The following RANBP9 variants were observed in gnomAD, a reference collection of about 807,000 sequenced individuals.
RANBP9 encodes the protein ran-binding protein 9.
Under a neutral mutation model 84.3 loss-of-function variants are expected in RANBP9, and 15 were observed. The observed-to-expected ratio is 0.18, with a 90% CI of 0.12 to 0.27. RANBP9 has a LOEUF of 0.27. Ranked by LOEUF, RANBP9 falls within the 10% of genes least tolerant of loss-of-function variation. RANBP9 has a pLI of 1.00. For missense variants in RANBP9, 809 were observed against 912.8 expected (o/e 0.89, Z 1.46); for synonymous variants, 392 against 349.6 (o/e 1.12, Z -1.35).
At chr6:13,682,778 A>T (rs1360933324) in intron 2 of RANBP9, among the ~76,000 whole-genome samples, 1 of 152,242 alleles carries the variant, frequency 6.6e-6, no homozygotes, top group Non-Finnish European at 1.5e-5. Flanking sequence ...AAATATGTAA[A>T]TATCACTAGA....
Position 13,632,412 on chromosome 6 carries a change from C to A in RANBP9, c.1905G>T (p.Arg635Ser). Reference sequence around the variant, plus strand: ...TTGCAGTGTTCTTGCCACAGTCTCTCCTTAGCTGTTCACTCATTGCTTGCA... The same window carrying A: ...TTGCAGTGTTCTTGCCACAGTCTCTACTTAGCTGTTCACTCATTGCTTGCA... ...RELQAMSEQL[R>S]RDCGKNTANK... The change falls in exon 12 of 14, where the codon AGG (arginine) becomes AGT (serine). Residue 635 changes from arginine (R) to serine (S), a missense_variant. Coordinates refer to ENST00000011619, the MANE Select transcript of RANBP9 (RefSeq NM_005493.3). 1.2e-6 allele frequency: 2 copies of A among 1,613,968 alleles called. No homozygotes were observed. The highest frequency in any genetic ancestry group is 8.5e-7 in the Non-Finnish European group (1 of 1,179,934).
At chr6:13,696,685 A>G in intron 2 of RANBP9, 100 bp downstream of exon 2, 1 of 952,710 alleles carries the variant, frequency 1.0e-6, no homozygotes, top group Non-Finnish European at 1.6e-6. Context: ...TTTTCCAATT[A>G]GCAAAATTTC....
chr6:13,688,556 C>T (rs1042991970), intron 2 of RANBP9, among the ~76,000 whole-genome samples: 3 of 152,250 alleles, frequency 2.0e-5, no homozygotes, highest in East Asian at 1.9e-4. Context: ...AAAGTAGGTA[C>T]CCTTTCTCAG....
intron 2 of RANBP9, among the ~76,000 whole-genome samples, chr6:13,667,863 C>T (rs190334773): frequency 2.7e-4 from 41 of 152,054 alleles, no homozygotes; most frequent in Admixed American, 2.2e-3. Flanking sequence ...CCCATTCTTA[C>T]GCAACACATT....
In RANBP9 at chr6:13,622,293, C is replaced by G; in HGVS notation, c.*69G>C. 7.3e-7 allele frequency: 1 copy of G among 1,361,112 alleles called. No homozygotes were observed. Among genetic ancestry groups the G allele is most frequent in the Non-Finnish European group, 9.6e-7 (1 of 1,043,152 alleles). 84.3% of individuals were successfully genotyped at this position (1,361,112 alleles called of 1,614,324 possible). On this transcript the variant is annotated 3_prime_UTR_variant, in exon 14 of 14. Transcript: ENST00000011619. The stretch of plus-strand genomic sequence containing the variant: ...AATTTAAAAAATCTAAATTTCAAAT[C>G]AGCAGAGCTGGTCTACTTCCATGTT...
At chr6:13,661,059 G>C (rs898687549) in intron 2 of RANBP9, among the ~76,000 whole-genome samples, 2 of 152,186 alleles carry the variant, frequency 1.3e-5, no homozygotes, top group Admixed American at 6.5e-5. Flanking sequence ...AGGAGTATTA[G>C]CTATGCTTAC....
chr6:13,688,982 CA>C lies in RANBP9; in HGVS notation c.683+7802del, dbSNP rs1164073062. Among the ~76,000 whole-genome samples the C allele has an allele frequency of 2.9e-3, 87 of 29,950 alleles. 1 individual carries two copies. Among genetic ancestry groups the C allele is most frequent in the East Asian group, 6.9e-3 (9 of 1,304 alleles). 19.6% of individuals were successfully genotyped at this position (29,950 alleles called of 152,430 possible). A position where few individuals can be genotyped will look rare whatever the true frequency, so the allele number is the denominator to read the frequency against. Reference sequence around the variant, plus strand: ...TGCAACATACCGAGACCCATCTCCACAAAAAAAAAAAAAAAAAAAAAATGCT... The same window carrying C: ...TGCAACATACCGAGACCCATCTCCACAAAAAAAAAAAAAAAAAAAAATGCT... On this transcript the variant is annotated intron_variant, in intron 2 of 13. Transcript: ENST00000011619.
Position 13,657,353 on chromosome 6 carries a change from TAAATC to T in RANBP9, c.737-82_737-78del, listed in dbSNP as rs971467082. On this transcript the variant is annotated intron_variant, in intron 3 of 13. Transcript: ENST00000011619. ...CTAGGTTTATTCACTAAGATTATGATAAATCAGAACAGTACAAGATAATATAAAGA... is the reference window on the plus strand; with the variant it reads ...CTAGGTTTATTCACTAAGATTATGATAGAACAGTACAAGATAATATAAAGA... The T allele has an allele frequency of 7.9e-6, 10 of 1,273,040 alleles. No homozygotes were observed. The African/African-American group carries it at 1.2e-4, about 15-fold the overall frequency. 78.9% of individuals were successfully genotyped at this position (1,273,040 alleles called of 1,614,324 possible). A position where few individuals can be genotyped will look rare whatever the true frequency, so the allele number is the denominator to read the frequency against.
intron 2 of RANBP9, among the ~76,000 whole-genome samples, chr6:13,675,815 C>G (rs1317046908): frequency 6.6e-6 from 1 of 150,784 alleles, no homozygotes; most frequent in African/African-American, 2.4e-5. Flanking sequence ...CAATACTGAT[C>G]CCAGACATTA....
intron 10 of RANBP9, among the ~76,000 whole-genome samples, chr6:13,635,426 T>C (rs1434796408): frequency 6.6e-6 from 1 of 151,940 alleles, no homozygotes; most frequent in East Asian, 1.9e-4. Context: ...AAGTAAACAC[T>C]CGATGAAATT....
At chr6:13,646,903 A>G (rs571168433) in intron 5 of RANBP9, among the ~76,000 whole-genome samples, 7 of 152,208 alleles carry the variant, frequency 4.6e-5, no homozygotes, top group Non-Finnish European at 1.0e-4. Context: ...ACATAAAGAG[A>G]AGCTTAATCA....
At chr6:13,666,589 C>T (rs916301535) in intron 2 of RANBP9, among the ~76,000 whole-genome samples, 2 of 92,634 alleles carry the variant, frequency 2.2e-5, no homozygotes, top group Non-Finnish European at 2.3e-5. Flanking sequence ...CAGCCTGGGA[C>T]CCCGTCTCTC....
At chr6:13,687,978 AGC>A (rs1766229418) in intron 2 of RANBP9, among the ~76,000 whole-genome samples, 1 of 152,264 alleles carries the variant, frequency 6.6e-6, no homozygotes, top group East Asian at 1.9e-4. Context: ...CAGTGGCAGC[AGC>A]CAGCAGCAAC....
chr6:13,711,145 G>A lies in RANBP9; in HGVS notation c.361C>T (p.Pro121Ser). The A allele has an allele frequency of 6.6e-7, 1 of 1,521,180 alleles. No individual in the cohort carries two copies. Among genetic ancestry groups the A allele is most frequent in the Non-Finnish European group, 8.8e-7 (1 of 1,136,094 alleles). 94.2% of individuals were successfully genotyped at this position (1,521,180 alleles called of 1,614,324 possible). Reference sequence around the variant, plus strand: ...GCGCTGCTGCCCGCCACCAGAGCTGGGGTCGGGGCTCCTCCAGCCGGGCCG... The same window carrying A: ...GCGCTGCTGCCCGCCACCAGAGCTGAGGTCGGGGCTCCTCCAGCCGGGCCG... The part of the protein sequence containing the change: ...GPGPAGGAPT[P>S]ALVAGSSAAA... The change falls in exon 1 of 14, where the codon CCA becomes TCA. Residue 121 changes from proline to serine, a missense_variant. Around this residue, in one of 5 missense-constraint regions of RANBP9, gnomAD observed 302 missense variants for 240.1 expected, o/e 1.26. Coordinates refer to ENST00000011619, the MANE Select transcript of RANBP9 (RefSeq NM_005493.3).
chr6:13,626,229 T>G (rs1273069777), intron 12 of RANBP9, among the ~76,000 whole-genome samples: 1 of 152,250 alleles, frequency 6.6e-6, no homozygotes, highest in African/African-American at 2.4e-5. Flanking sequence ...ATGAAAAAAT[T>G]AAACAGGCTG....
chr6:13,673,562 T>G (rs912374028), intron 2 of RANBP9, among the ~76,000 whole-genome samples: 3 of 152,196 alleles, frequency 2.0e-5, no homozygotes, highest in Non-Finnish European at 4.4e-5. Flanking sequence ...CTTGGGTAAC[T>G]GCTGACTATG....
At chr6:13,665,850 C>T (rs190193041) in intron 2 of RANBP9, among the ~76,000 whole-genome samples, 227 of 152,228 alleles carry the variant, frequency 1.5e-3, no homozygotes, top group Non-Finnish European at 2.4e-3. Flanking sequence ...CTCAAGGAAG[C>T]TTTACATACA....
In RANBP9 at chr6:13,639,649, G is replaced by T. The variant is rs1259275212; in HGVS notation, c.1439C>A (p.Pro480His). The change falls in exon 9 of 14, where the codon CCT becomes CAT. Residue 480 changes from proline to histidine, a missense_variant. Pro to His is a moderately conservative substitution (Grantham distance 77, BLOSUM62 -2). This residue lies in a region of RANBP9 where 216 missense variants were observed against 329.0 expected (regional missense o/e 0.66). Coordinates refer to ENST00000011619, the MANE Select transcript of RANBP9 (RefSeq NM_005493.3). ...SQDSYPVSPRPFSSPSMSPSH... is the reference protein window; with the variant it reads ...SQDSYPVSPRHFSSPSMSPSH... ...GGGGCTCATACTTGGACTACTAAAA[G>T]GTCGAGGACTAACAGGATAACTGTC... 3.1e-6 allele frequency: 5 copies of T among 1,612,898 alleles called. No individual in the cohort carries two copies.
chr6:13,626,506 T>C (rs1380108555), intron 12 of RANBP9, among the ~76,000 whole-genome samples: 2 of 152,220 alleles, frequency 1.3e-5, no homozygotes, highest in African/African-American at 4.8e-5. Context: ...GAGGCCCTAT[T>C]TCCTAGATTT....
Sources: allele counts gnomAD v4.1 joint callset (sites outside exome capture counted in the v4.1 genomes callset), GRCh38; gene constraint gnomAD v4.1.1; regional missense constraint gnomAD v4.1.1; transcripts MANE v1.5; gene names NCBI Gene and HGNC (gene_info 2026-07-23, HGNC 2026-07-21).